FGF13: variants seen among roughly 807,000 people sequenced by gnomAD.
The protein encoded by FGF13 is fibroblast growth factor homologous factor 2.
Under a neutral mutation model 19.5 loss-of-function variants are expected in FGF13, and 2 were observed. That is an observed-to-expected ratio of 0.10 (90% CI 0.04 to 0.32). The LOEUF (loss-of-function observed/expected upper bound fraction) is 0.32. FGF13 is among the 10% of genes least tolerant of loss of function. The pLI is 1.00. For synonymous variants in FGF13, 72 were observed against 76.9 expected (o/e 0.94, Z 0.33); for missense variants, 113 against 192.7 (o/e 0.59, Z 2.45).
At chrX:139,182,487 A>G (rs908936670) in intron 1 of FGF13, among the ~76,000 whole-genome samples, 3 of 112,345 alleles carry the variant, frequency 2.7e-5, no homozygotes, top group Non-Finnish European at 3.8e-5. Flanking sequence ...TAGTTCATAT[A>G]GTATTAAACG....
chrX:138,899,840 C>T (rs1185761928), intron 1 of FGF13, among the ~76,000 whole-genome samples: 1 of 54,190 alleles, frequency 1.8e-5, no homozygotes, highest in Admixed American at 1.9e-4. Context: ...AAATTGCCTG[C>T]AATTAGAAGC....
At position 138,629,893 on chromosome X, in the gene FGF13, C is replaced by A. The variant is rs1053587321; in HGVS notation, c.*2957G>T. 1 of 111,304 alleles carries A rather than the reference C, an allele frequency of 9.0e-6. No homozygotes were observed. The highest frequency in any genetic ancestry group is 3.3e-5 in the African/African-American group (1 of 30,600). 9.2% of individuals were successfully genotyped at this position (111,304 alleles called of 1,213,427 possible). ...TCTGATGTGAGCTAATATCTGAGACCCAATAGTATTTGAAGTGTTTCCCAC... is the reference window on the plus strand; with the variant it reads ...TCTGATGTGAGCTAATATCTGAGACACAATAGTATTTGAAGTGTTTCCCAC... On this transcript the variant is annotated 3_prime_UTR_variant, in exon 5 of 5. Coordinates refer to ENST00000315930, the MANE Select transcript of FGF13 (RefSeq NM_004114.5).
chrX:138,837,859 C>T (rs1286537819), intron 3 of FGF13, among the ~76,000 whole-genome samples: 1 of 112,425 alleles, frequency 8.9e-6, no homozygotes, highest in African/African-American at 3.2e-5. Flanking sequence ...GTTCTCTGTC[C>T]CAGGGAGTTT....
chrX:138,998,761 C>A (rs1392096807), intron 1 of FGF13, among the ~76,000 whole-genome samples: 1 of 111,405 alleles, frequency 9.0e-6, no homozygotes, highest in African/African-American at 3.3e-5. Context: ...CCACTGTCAA[C>A]ATTAGACAGA....
chrX:138,648,146 T>C (rs1324518887), intron 3 of FGF13, among the ~76,000 whole-genome samples: 1 of 112,181 alleles, frequency 8.9e-6, no homozygotes, highest in Non-Finnish European at 1.9e-5. Flanking sequence ...CTCTGAAAAT[T>C]TGCATGCTAT....
chrX:139,154,166 C>T (rs1379128332), intron 1 of FGF13, among the ~76,000 whole-genome samples: 1 of 111,745 alleles, frequency 8.9e-6, no homozygotes. Flanking sequence ...CTTGTATATG[C>T]ACACATAGGT....
chrX:139,200,727 G>A (rs1181887615), intron 1 of FGF13, among the ~76,000 whole-genome samples: 1 of 112,532 alleles, frequency 8.9e-6, no homozygotes, highest in Non-Finnish European at 1.9e-5. Flanking sequence ...TTTTGAAAGC[G>A]AGAATTAGCT....
At chrX:139,139,532 G>A (rs1273954485) in intron 1 of FGF13, among the ~76,000 whole-genome samples, 1 of 112,466 alleles carries the variant, frequency 8.9e-6, no homozygotes, top group Non-Finnish European at 1.9e-5. Flanking sequence ...TACCAAGAAT[G>A]TTCAAGCTTT....
chrX:139,139,079 C>T (rs1027411435), intron 1 of FGF13, among the ~76,000 whole-genome samples: 2 of 110,039 alleles, frequency 1.8e-5, no homozygotes, highest in African/African-American at 3.3e-5. Flanking sequence ...TGCAGGTGGG[C>T]ACCACCATGA....
At chrX:138,900,023 T>A (rs2091524045) in intron 1 of FGF13, among the ~76,000 whole-genome samples, 1 of 110,171 alleles carries the variant, frequency 9.1e-6, no homozygotes, top group African/African-American at 3.3e-5. Context: ...GTTTTGGAGA[T>A]AAAAAAAATG....
At chrX:138,891,999 C>CGTGTGTGTGTGTGT (rs1569419108) in intron 1 of FGF13, among the ~76,000 whole-genome samples, 13 of 39,944 alleles carry the variant, frequency 3.3e-4, no homozygotes, top group African/African-American at 2.2e-3. Flanking sequence ...TCTATATATA[C>CGTGTGTGTGTGTGT]ATATGTGTGT....
intron 1 of FGF13, among the ~76,000 whole-genome samples, chrX:139,058,848 CTACCACCTAACTT>C (rs1294462453): frequency 2.7e-5 from 3 of 111,348 alleles, no homozygotes; most frequent in Non-Finnish European, 5.7e-5. Flanking sequence ...CCCATGAACC[CTACCACCTAACTT>C]TACCACCTAC....
chrX:138,955,381 C>G (rs910261997), intron 1 of FGF13, among the ~76,000 whole-genome samples: 1 of 112,308 alleles, frequency 8.9e-6, no homozygotes, highest in African/African-American at 3.2e-5. Context: ...ATTCAGAATA[C>G]AGAGTCTTCT....
At chrX:138,732,394 T>C (rs2090238911) in intron 1 of FGF13, among the ~76,000 whole-genome samples, 1 of 112,260 alleles carries the variant, frequency 8.9e-6, no homozygotes, top group Non-Finnish European at 1.9e-5. Context: ...CAATGGATAC[T>C]AGTCAGCCAT....
At position 139,105,344 on chromosome X, in the gene FGF13, AT is replaced by A. The variant is rs769749345; in HGVS notation, c.-113+98071del. On this transcript the variant is annotated intron_variant, in intron 1 of 2. Transcript: ENST00000421460. The stretch of plus-strand genomic sequence containing the variant: ...ACTAACTTTTTTAATAACTCAGGGA[AT>A]TTTTTTTTCTTTCTAGACCACAGAG... Among the ~76,000 whole-genome samples, 354 of 110,417 alleles carry A rather than the reference AT, an allele frequency of 3.2e-3. 2 individuals carry two copies. The highest frequency in any genetic ancestry group is 0.011 in the African/African-American group (341 of 30,371).
chrX:138,772,185 A>G (rs1164490692), intron 3 of FGF13, among the ~76,000 whole-genome samples: 2 of 108,122 alleles, frequency 1.8e-5, no homozygotes, highest in East Asian at 2.9e-4. Context: ...TTTCAACTGG[A>G]AAAAAAGCAA....
chrX:138,772,512 T>A (rs1288790926), intron 3 of FGF13, among the ~76,000 whole-genome samples: 4 of 111,448 alleles, frequency 3.6e-5, no homozygotes, highest in African/African-American at 1.3e-4. Flanking sequence ...TTTGTCTTCA[T>A]TCCTTATATA....
intron 1 of FGF13, among the ~76,000 whole-genome samples, chrX:139,035,770 G>A (rs1051038184): frequency 2.7e-5 from 3 of 111,146 alleles, no homozygotes; most frequent in African/African-American, 9.8e-5. Context: ...GAGCATTTCA[G>A]GGACATAGCT....
intron 1 of FGF13, among the ~76,000 whole-genome samples, chrX:138,891,935 T>C (rs1054486743): frequency 9.1e-6 from 1 of 110,336 alleles, no homozygotes; most frequent in Non-Finnish European, 1.9e-5. Context: ...TGGCCTATTG[T>C]GAGATCTTGT....
Sources: allele counts gnomAD v4.1 joint callset (sites outside exome capture counted in the v4.1 genomes callset), GRCh38; gene constraint gnomAD v4.1.1; transcripts MANE v1.5; gene names NCBI Gene and HGNC (gene_info 2026-07-23, HGNC 2026-07-21).